The following RUNX1T1 variants were observed in gnomAD, a reference collection of about 807,000 sequenced individuals.
RUNX1T1 encodes protein CBFA2T1.
RUNX1T1 carries 4 observed loss-of-function variants against 62.8 expected under a neutral mutation model. The ratio of observed to expected loss-of-function variants is 0.06; its 90% confidence interval spans 0.03 to 0.15. RUNX1T1 has a LOEUF of 0.15. Among genes scored for constraint, RUNX1T1 ranks in the 10% least tolerant of loss-of-function variants. RUNX1T1 has a pLI of 1.00. For missense variants in RUNX1T1, 508 were observed against 754.3 expected (o/e 0.67, Z 3.82); for synonymous variants, 291 against 286.0 (o/e 1.02, Z -0.18).
intron 1 of RUNX1T1, among the ~76,000 whole-genome samples, chr8:92,025,127 C>T (rs1824890993): frequency 6.6e-6 from 1 of 152,152 alleles, no homozygotes; most frequent in South Asian, 2.1e-4. Flanking sequence ...AATCATCTAC[C>T]ATCTCTTGCC....
At chr8:92,052,520 A>G (rs1830393347) in intron 1 of RUNX1T1, among the ~76,000 whole-genome samples, 1 of 152,260 alleles carries the variant, frequency 6.6e-6, no homozygotes. Context: ...AGAAAAAATA[A>G]GATTAAATGA....
intron 5 of RUNX1T1, among the ~76,000 whole-genome samples, chr8:92,002,267 G>A (rs1819903804): frequency 6.6e-6 from 1 of 151,910 alleles, no homozygotes; most frequent in Non-Finnish European, 1.5e-5. Flanking sequence ...AGTAACACTT[G>A]TTCAGAGACA....
chr8:92,091,640 C>T (rs1458773568), intron 1 of RUNX1T1, among the ~76,000 whole-genome samples: 1 of 152,124 alleles, frequency 6.6e-6, no homozygotes, highest in Non-Finnish European at 1.5e-5. Flanking sequence ...ATATGTGATT[C>T]AGCATCTTTT....
chr8:91,969,414 CTG>C (rs1383907733), intron 10 of RUNX1T1, among the ~76,000 whole-genome samples: 2 of 152,208 alleles, frequency 1.3e-5, no homozygotes, highest in Non-Finnish European at 2.9e-5. Flanking sequence ...ATGACATCAA[CTG>C]TGCCTCACGA....
intron 4 of RUNX1T1, chr8:92,006,160 T>C (rs1382724743): frequency 6.6e-6 from 1 of 152,166 alleles, no homozygotes. Context: ...AAAGAGGCAA[T>C]TTCACACATA....
chr8:92,103,132 C>T (rs898325577), upstream of RUNX1T1: 9 of 397,106 alleles, frequency 2.3e-5, no homozygotes, highest in Non-Finnish European at 4.0e-5. Flanking sequence ...AACCTCCACG[C>T]AGAGCCCAAG....
At chr8:92,027,548 A>C (rs1825451239) in intron 1 of RUNX1T1, among the ~76,000 whole-genome samples, 1 of 152,184 alleles carries the variant, frequency 6.6e-6, no homozygotes, top group Admixed American at 6.5e-5. Context: ...AGGAAAAACA[A>C]GTCTGAAGCC....
chr8:92,099,131 G>T (rs548602724), intron 1 of RUNX1T1, among the ~76,000 whole-genome samples: 1 of 152,258 alleles, frequency 6.6e-6, no homozygotes, highest in African/African-American at 2.4e-5. Flanking sequence ...AGTCAAATTT[G>T]ATTTTTAAAA....
chr8:92,073,223 C>T (rs1195939358), intron 2 of RUNX1T1, among the ~76,000 whole-genome samples: 4 of 152,142 alleles, frequency 2.6e-5, no homozygotes, highest in African/African-American at 9.7e-5. Context: ...TACAGGAGAA[C>T]GGCTCCAAAT....
At chr8:92,040,419 T>A (rs1828229211) in intron 1 of RUNX1T1, among the ~76,000 whole-genome samples, 1 of 152,204 alleles carries the variant, frequency 6.6e-6, no homozygotes, top group African/African-American at 2.4e-5. Context: ...CTATTGATTA[T>A]TCCATCCCCA....
chr8:91,978,803 C>T lies in RUNX1T1; in HGVS notation c.1199-2830G>A, dbSNP rs1409442150. Among the ~76,000 whole-genome samples, 6 of 152,276 alleles carry T rather than the reference C, an allele frequency of 3.9e-5. 1 individual carries two copies. In the East Asian group the frequency reaches 5.8e-4, roughly 15 times the overall value. ...CACCTTCTATGGGCTGCACAGGTGT[C>T]TTGGGGGTACATATACCACACTGGA... On this transcript the variant is annotated intron_variant, in intron 8 of 10. Coordinates refer to ENST00000396218, the Ensembl canonical transcript of RUNX1T1.
intron 4 of RUNX1T1, among the ~76,000 whole-genome samples, chr8:92,009,147 T>C (rs1211196821): frequency 6.6e-6 from 1 of 152,202 alleles, no homozygotes; most frequent in Non-Finnish European, 1.5e-5. Flanking sequence ...TCCATAAACA[T>C]CTTCTTCCAA....
intron 1 of RUNX1T1, among the ~76,000 whole-genome samples, chr8:92,053,895 A>C (rs1830607698): frequency 6.6e-6 from 1 of 152,158 alleles, no homozygotes; most frequent in South Asian, 2.1e-4. Flanking sequence ...CAGCTTTATC[A>C]AGGGGAGTTG....
rs562370161 is a variant in RUNX1T1 at position 92,085,482 on chromosome 8, C to T, written c.-85-9345G>A. Among the ~76,000 whole-genome samples the T allele has an allele frequency of 3.9e-5, 6 of 152,240 alleles. No homozygotes were observed. The South Asian group carries it at 1.0e-3, about 26-fold the overall frequency. ...CTCATTTAATGATATATCTCAGGAA[C>T]GATTCTGTATCAACACACATAAATG... On this transcript the variant is annotated intron_variant, in intron 1 of 11. Coordinates refer to the RUNX1T1 transcript ENST00000265814.
intron 1 of RUNX1T1, among the ~76,000 whole-genome samples, chr8:92,027,467 C>A (rs1442093858): frequency 6.6e-6 from 1 of 152,198 alleles, no homozygotes; most frequent in Admixed American, 6.5e-5. Flanking sequence ...TCATCCTAAA[C>A]ATCTTCCGCT....
chr8:92,030,543 G>T (rs578191983), intron 1 of RUNX1T1, among the ~76,000 whole-genome samples: 3 of 152,164 alleles, frequency 2.0e-5, no homozygotes, highest in African/African-American at 7.2e-5. Context: ...AACAACTGAC[G>T]ATAATAATGA....
chr8:92,013,066 C>CA (rs74909802), intron 3 of RUNX1T1, among the ~76,000 whole-genome samples: 39 of 144,558 alleles, frequency 2.7e-4, no homozygotes, highest in Middle Eastern at 3.6e-3. Context: ...AGGCAATTTT[C>CA]AAAAAAAAAA....
At chr8:92,085,188 C>T (rs891076419) in intron 1 of RUNX1T1, among the ~76,000 whole-genome samples, 1 of 152,196 alleles carries the variant, frequency 6.6e-6, no homozygotes, top group Non-Finnish European at 1.5e-5. Context: ...TGCCTTCTGG[C>T]AGGGAAGAGC....
At chr8:92,075,907 A>G (rs1352847586) in intron 2 of RUNX1T1, 58 bp downstream of exon 2, 12 of 1,437,646 alleles carry the variant, frequency 8.3e-6, no homozygotes, top group Non-Finnish European at 1.1e-5. Flanking sequence ...GAAAAAATAG[A>G]TTGATTTTTC....
Sources: allele counts gnomAD v4.1 joint callset (sites outside exome capture counted in the v4.1 genomes callset), GRCh38; gene constraint gnomAD v4.1.1; transcripts MANE v1.5; gene names NCBI Gene and HGNC (gene_info 2026-07-23, HGNC 2026-07-21).